ASB15: variants seen among roughly 807,000 people sequenced by gnomAD.
ASB15 encodes the protein ankyrin repeat and SOCS box containing 15.
A neutral mutation model predicts 58.0 loss-of-function variants in ASB15; 54 were observed. The observed-to-expected ratio is 0.93, with a 90% CI of 0.75 to 1.17. The LOEUF is 1.17. ASB15 is among the 50% of genes most tolerant of loss of function. ASB15 has a pLI of 0.00. For missense variants in ASB15, 680 were observed against 707.4 expected (o/e 0.96, Z 0.44); for synonymous variants, 249 against 262.4 (o/e 0.95, Z 0.50).
At chr7:123,622,108 A>G (rs1281173541) in intron 7 of ASB15, among the ~76,000 whole-genome samples, 3 of 152,348 alleles carry the variant, frequency 2.0e-5, no homozygotes, top group East Asian at 1.9e-4. Context: ...ACCCTTGCCT[A>G]TCATCTATGC....
At chr7:123,592,818 A>G (rs991818764) in intron 1 of ASB15, among the ~76,000 whole-genome samples, 1 of 151,870 alleles carries the variant, frequency 6.6e-6, no homozygotes, top group Non-Finnish European at 1.5e-5. Flanking sequence ...CAAGTCCTGG[A>G]TATCCTTGTT....
At chr7:123,599,784 G>A (rs1799813363), upstream of ASB15, among the ~76,000 whole-genome samples, 1 of 152,142 alleles carries the variant, frequency 6.6e-6, no homozygotes, top group Admixed American at 6.5e-5. Flanking sequence ...TAGAAGGAAT[G>A]CGTATTTGGA....
At chr7:123,587,654 T>C (rs1170871671) in intron 1 of ASB15, among the ~76,000 whole-genome samples, 1 of 151,546 alleles carries the variant, frequency 6.6e-6, no homozygotes, top group Admixed American at 6.6e-5. Flanking sequence ...GCTTTTCACC[T>C]GTATGTTCAC....
At position 123,629,411 on chromosome 7, in the gene ASB15, T is replaced by C. The variant is rs1252213781; in HGVS notation, c.1417T>C (p.Ser473Pro). 3.1e-6 allele frequency: 5 copies of C among 1,610,130 alleles called. No individual in the cohort carries two copies. The highest frequency in any genetic ancestry group is 4.2e-6 in the Non-Finnish European group (5 of 1,178,948). Residue 473 changes from serine to proline, a missense_variant, in exon 10 of 12, where the codon TCT becomes CCT. Coordinates refer to ENST00000451215, the MANE Select transcript of ASB15 (RefSeq NM_001290258.2). ...IQEEVLPGWT[S>P]CVIKDNPFCE... is the part of the protein sequence containing the mutation. ...GGAAGAGGTGCTGCCAGGATGGACA[T>C]CTTGTGTAATAAAAGATAACCCGGT...
chr7:123,574,272 C>T (rs1397162731), intron 1 of ASB15, among the ~76,000 whole-genome samples: 2 of 151,630 alleles, frequency 1.3e-5, no homozygotes, highest in African/African-American at 4.8e-5. Context: ...ACACTTCACT[C>T]CTGTACTATG....
At chr7:123,620,292 T>C (rs1801151880) in intron 7 of ASB15, 4 of 151,798 alleles carry the variant, frequency 2.6e-5, no homozygotes, top group East Asian at 3.9e-4. Context: ...GCTAAATACT[T>C]GGGGCTTCTG....
chr7:123,629,000 A>G lies in ASB15; in HGVS notation c.1006A>G (p.Thr336Ala). 1 of 1,613,772 alleles carries G rather than the reference A, an allele frequency of 6.2e-7. No individual in the cohort carries two copies. Among genetic ancestry groups the G allele is most frequent in the Non-Finnish European group, 8.5e-7 (1 of 1,179,708 alleles). ...CATTGAAAATGGTTTTGATGTCAAC[A>G]CTCTACTTGCTGACCACATTTCCCA... Reference protein sequence around the residue: ...LLIENGFDVNTLLADHISQSY... With the variant: ...LLIENGFDVNALLADHISQSY... The change falls in exon 10 of 12, where the codon ACT (threonine) becomes GCT (alanine). Residue 336 changes from threonine (T) to alanine (A), a missense_variant. Physicochemically the swap from Thr to Ala is moderately conservative, Grantham distance 58. Transcript: ENST00000451215.
chr7:123,611,565 G>C (rs1351185375), intron 3 of ASB15, among the ~76,000 whole-genome samples: 1 of 152,128 alleles, frequency 6.6e-6, no homozygotes, highest in Non-Finnish European at 1.5e-5. Flanking sequence ...CAAAGTACTG[G>C]GATTACAGGC....
chr7:123,637,009 A>T lies in ASB15; in HGVS notation c.*28A>T. On this transcript the variant is annotated 3_prime_UTR_variant, in exon 12 of 12. Coordinates refer to ENST00000451215, the MANE Select transcript of ASB15 (RefSeq NM_001290258.2). ...TAATATTTTAAAATGTGATTTAAAA[A>T]AAATGTTGAAATGTGATTCCCTCAG... 2.1e-6 allele frequency: 3 copies of T among 1,424,196 alleles called. No individual in the cohort carries two copies. The highest frequency in any genetic ancestry group is 2.9e-6 in the Non-Finnish European group (3 of 1,033,018). 88.2% of individuals were successfully genotyped at this position (1,424,196 alleles called of 1,614,324 possible). A position where few individuals can be genotyped will look rare whatever the true frequency, so the allele number is the denominator to read the frequency against.
chr7:123,611,082 C>CAAAAAAAAAAA (rs34527165), intron 3 of ASB15, among the ~76,000 whole-genome samples: 3 of 81,854 alleles, frequency 3.7e-5, no homozygotes, highest in South Asian at 4.9e-4. Flanking sequence ...AACTCCATCT[C>CAAAAAAAAAAA]AAAAAAAAAA....
At chr7:123,595,830 T>A (rs1046186785) in intron 1 of ASB15, among the ~76,000 whole-genome samples, 5 of 152,176 alleles carry the variant, frequency 3.3e-5, no homozygotes, top group Admixed American at 2.0e-4. Flanking sequence ...ACACTGTGGG[T>A]GAATGGGCCA....
intron 1 of ASB15, among the ~76,000 whole-genome samples, chr7:123,567,280 T>C (rs1383432423): frequency 1.3e-5 from 2 of 152,154 alleles, no homozygotes; most frequent in African/African-American, 2.4e-5. Flanking sequence ...GGCCCTGTGT[T>C]CTCAGGTGGG....
At chr7:123,578,953 T>C (rs1799147833) in intron 1 of ASB15, among the ~76,000 whole-genome samples, 1 of 152,114 alleles carries the variant, frequency 6.6e-6, no homozygotes, top group Admixed American at 6.6e-5. Flanking sequence ...TGCAGGTTTG[T>C]TACATGGATA....
rs893534613 is a variant in ASB15, at chr7:123,572,698, CTCTA to C, written c.-443+5614_-443+5617del. On this transcript the variant is annotated intron_variant, in intron 1 of 13. Transcript: ENST00000451558. The stretch of plus-strand genomic sequence containing the variant: ...GTTAAACATTTTCTTAATATATTCA[CTCTA>C]TCTCTTTTTTTTCAATTTTCTGCAA... Among the ~76,000 whole-genome samples, 18 of 148,860 alleles carry C rather than the reference CTCTA, an allele frequency of 1.2e-4. 1 individual carries two copies. In the East Asian group the frequency reaches 2.2e-3, roughly 18 times the overall value.
At chr7:123,579,372 ATAAC>A (rs1799162325) in intron 1 of ASB15, among the ~76,000 whole-genome samples, 6 of 152,138 alleles carry the variant, frequency 3.9e-5, no homozygotes. Flanking sequence ...TTTTCAGTGA[ATAAC>A]TATTGTTAAA....
rs1456052686 is a variant in ASB15, at chr7:123,629,151, T to C, written c.1157T>C (p.Val386Ala). Residue 386 changes from valine (V) to alanine (A), a missense_variant, in exon 10 of 12, where the codon GTT becomes GCT. Physicochemically the swap from Val to Ala is moderately conservative, Grantham distance 64 (BLOSUM62 0). Transcript: ENST00000451215. ...TTAGATCCCCTCAACTGTCTACTTG[T>C]TGCAGTGAGGGCCAATAATTATGAA... ...PNLDPLNCLLVAVRANNYEIV... is the reference protein window; with the variant it reads ...PNLDPLNCLLAAVRANNYEIV... The C allele has an allele frequency of 6.2e-7, 1 of 1,614,148 alleles. No homozygotes were observed. The highest frequency in any genetic ancestry group is 2.2e-5 in the East Asian group (1 of 44,890).
At chr7:123,592,394 T>A (rs1257491730) in intron 1 of ASB15, among the ~76,000 whole-genome samples, 3 of 152,236 alleles carry the variant, frequency 2.0e-5, no homozygotes, top group Non-Finnish European at 4.4e-5. Context: ...TTATTTTAGA[T>A]CTTTCCTGCT....
intron 7 of ASB15, among the ~76,000 whole-genome samples, chr7:123,620,507 CATATATATATATATAT>C (rs1395766241): frequency 7.5e-3 from 222 of 29,636 alleles, no homozygotes; most frequent in Middle Eastern, 0.091. Flanking sequence ...CATATACATA[CATATATATATATATAT>C]ATATATATAT....
intron 1 of ASB15, among the ~76,000 whole-genome samples, chr7:123,579,474 C>A (rs1304374863): frequency 6.6e-6 from 1 of 152,044 alleles, no homozygotes; most frequent in East Asian, 1.9e-4. Context: ...CACTTCCATG[C>A]AAAGTAAACT....
Sources: gnomAD v4.1 joint callset for allele counts (sites outside exome capture counted in the v4.1 genomes callset) on GRCh38, gnomAD v4.1.1 for gene constraint, MANE v1.5 for transcripts, NCBI Gene and HGNC (gene_info 2026-07-23, HGNC 2026-07-21) for gene names.